The following CRTC2 variants were observed in gnomAD, a reference collection of about 807,000 sequenced individuals.
The protein encoded by CRTC2 is CREB-regulated transcription coactivator 2.
Under a neutral mutation model 70.9 loss-of-function variants are expected in CRTC2, and 25 were observed. That is an observed-to-expected ratio of 0.35 (90% CI 0.26 to 0.49). The LOEUF (loss-of-function observed/expected upper bound fraction) is 0.49. Among genes scored for constraint, CRTC2 ranks in the 20% least tolerant of loss-of-function variants. The probability of loss-of-function intolerance (pLI) is 0.98; values close to 1 mark genes in which losing one functional copy is unlikely to be tolerated. For missense variants in CRTC2, 737 were observed against 882.6 expected (o/e 0.83, Z 2.09); for synonymous variants, 330 against 364.1 (o/e 0.91, Z 1.07).
rs1057001842 is a variant in CRTC2 at position 153,953,298 on chromosome 1, G to A, written c.575C>T (p.Thr192Ile). The A allele has an allele frequency of 6.3e-6, 10 of 1,596,818 alleles. No individual in the cohort carries two copies. Among genetic ancestry groups the A allele is most frequent in the East Asian group, 2.3e-5 (1 of 43,604 alleles). ...TCGGCTGGGCAGGATGCTGGGAGGT[G>A]TGGGGCCTGGGTAGGTATCCTGGGG... ...PSPQDTYPGP[T>I]PPSILPSRRG... Residue 192 changes from threonine (T) to isoleucine (I), a missense_variant, in exon 6 of 14, where the codon ACA becomes ATA. Thr to Ile is a moderately conservative substitution (Grantham distance 89, BLOSUM62 -1). Coordinates refer to ENST00000368633, the MANE Select transcript of CRTC2 (RefSeq NM_181715.3).
Position 153,951,475 on chromosome 1 carries a change from G to A in CRTC2, c.1189C>T (p.Leu397Phe). The change falls in exon 11 of 14, where the codon CTC becomes TTC. Residue 397 changes from leucine (L) to phenylalanine (F), a missense_variant. Around this residue, in one of 3 missense-constraint regions of CRTC2, gnomAD observed 699 missense variants for 823.7 expected, o/e 0.85. Transcript: ENST00000368633. ...LGHPSLSAPA[L>F]SSSSSSSSTS... ...GAGGAGGAGGAAGAGGAGGAGGAGAGAGCCGGAGCACTGAGTGAGGGGTGG... is the reference window on the plus strand; with the variant it reads ...GAGGAGGAGGAAGAGGAGGAGGAGAAAGCCGGAGCACTGAGTGAGGGGTGG... The A allele has an allele frequency of 6.3e-7, 1 of 1,598,818 alleles. No individual in the cohort carries two copies. Among genetic ancestry groups the A allele is most frequent in the Non-Finnish European group, 8.5e-7 (1 of 1,172,266 alleles).
chr1:153,957,170 A>G (rs1390129784), intron 1 of CRTC2, among the ~76,000 whole-genome samples: 3 of 152,118 alleles, frequency 2.0e-5, no homozygotes, highest in Non-Finnish European at 2.9e-5. Flanking sequence ...GACTCCCACA[A>G]ACTAGGGCAC....
chr1:153,947,865 G>C lies in CRTC2; in HGVS notation c.*244C>G. 1 of 555,736 alleles carries C rather than the reference G, an allele frequency of 1.8e-6. No homozygotes were observed. Among genetic ancestry groups the C allele is most frequent in the Non-Finnish European group, 3.2e-6 (1 of 309,918 alleles). 34.4% of individuals were successfully genotyped at this position (555,736 alleles called of 1,614,324 possible). Reference sequence around the variant, plus strand: ...GCTTTCCAACAGGCTCTGACCTCCAGACAGACGGTTCAAAGTTACAAGTGC... The same window carrying C: ...GCTTTCCAACAGGCTCTGACCTCCACACAGACGGTTCAAAGTTACAAGTGC... On this transcript the variant is annotated 3_prime_UTR_variant, in exon 14 of 14. Transcript: ENST00000368633.
At chr1:153,950,702 C>T (rs1460359160) in intron 11 of CRTC2, among the ~76,000 whole-genome samples, 1 of 152,186 alleles carries the variant, frequency 6.6e-6, no homozygotes, top group East Asian at 1.9e-4. Context: ...CTAGGTCCCA[C>T]TTTCCTCATC....
At chr1:153,958,064 C>G (rs1680729574) in intron 1 of CRTC2, 3 of 1,338,820 alleles carry the variant, frequency 2.2e-6, no homozygotes, top group Non-Finnish European at 2.9e-6. Context: ...CACTCACCTC[C>G]TACCTCCGCC....
intron 10 of CRTC2, 78 bp from the exon 11 acceptor site, chr1:153,951,744 C>A: frequency 4.8e-6 from 7 of 1,460,250 alleles, no homozygotes; most frequent in African/African-American, 1.4e-5. Context: ...GAATGGGTGG[C>A]AGTGACCAGA....
intron 1 of CRTC2, among the ~76,000 whole-genome samples, chr1:153,956,075 A>C (rs936350020): frequency 6.6e-6 from 1 of 152,352 alleles, no homozygotes; most frequent in East Asian, 1.9e-4. Flanking sequence ...CACTCTGGAG[A>C]GCACAGGCTT....
chr1:153,948,529 G>A lies in CRTC2; in HGVS notation c.1790C>T (p.Pro597Leu), dbSNP rs1033775638. 1.2e-6 allele frequency: 2 copies of A among 1,612,744 alleles called. No homozygotes were observed. Among genetic ancestry groups the A allele is most frequent in the East Asian group, 2.2e-5 (1 of 44,860 alleles). The change falls in exon 13 of 14, where the codon CCC (proline) becomes CTC (leucine). Residue 597 changes from proline to leucine, a missense_variant. Pro to Leu is a moderately conservative substitution (Grantham distance 98, BLOSUM62 -3). Coordinates refer to ENST00000368633, the MANE Select transcript of CRTC2 (RefSeq NM_181715.3). Reference sequence around the variant, plus strand: ...CAAGTTCTGGTGGTTGAAGGTGTGGGGATCCTGGGGGCCACCCATTGGCCC... The same window carrying A: ...CAAGTTCTGGTGGTTGAAGGTGTGGAGATCCTGGGGGCCACCCATTGGCCC... The part of the protein sequence containing the change: ...GEGPMGGPQD[P>L]HTFNHQNLTH...
At chr1:153,950,084 G>A (rs982972249) in intron 11 of CRTC2, among the ~76,000 whole-genome samples, 3 of 152,088 alleles carry the variant, frequency 2.0e-5, no homozygotes, top group Non-Finnish European at 2.9e-5. Context: ...AAGCGTGCGC[G>A]ACTGCACCTG....
chr1:153,951,363 G>T lies in CRTC2; in HGVS notation c.1301C>A (p.Pro434His), dbSNP rs769773917. The change falls in exon 11 of 14, where the codon CCC (proline) becomes CAC (histidine). Residue 434 changes from proline to histidine, a missense_variant. Around this residue, in one of 3 missense-constraint regions of CRTC2, gnomAD observed 699 missense variants for 823.7 expected, o/e 0.85. Transcript: ENST00000368633. ...GGCTGGGCCCGCGAGCAAACTCAGG[G>T]GGCTGAGGGGCACACGGCGGTGGTG... The part of the protein sequence containing the change: ...SPHHRRVPLS[P>H]LSLLAGPADA... 1 of 1,613,108 alleles carries T rather than the reference G, an allele frequency of 6.2e-7. No individual in the cohort carries two copies. Among genetic ancestry groups the T allele is most frequent in the Non-Finnish European group, 8.5e-7 (1 of 1,179,538 alleles).
In CRTC2 at chr1:153,953,525, C is replaced by G; in HGVS notation, c.503+13G>C. On this transcript the variant is annotated intron_variant, in intron 5 of 13. Coordinates refer to ENST00000368633, the MANE Select transcript of CRTC2 (RefSeq NM_181715.3). ...GATAAGAGATCTGGCCTAAAGAAGG[C>G]AAAAGCCATCACCTGTTAAGTGCAG... 1 of 1,608,650 alleles carries G rather than the reference C, an allele frequency of 6.2e-7. No individual in the cohort carries two copies. The highest frequency in any genetic ancestry group is 8.5e-7 in the Non-Finnish European group (1 of 1,177,658).
rs762537967 is a variant in CRTC2, at chr1:153,952,616, G to C, written c.657C>G (p.Asn219Lys). The stretch of plus-strand genomic sequence containing the variant: ...TCAGCAAATGCTTGTCATCTAGCAA[G>C]TTCTCCTCAATAGCAGGTACTTGAA... ...MDPKVPAIEE[N>K]LLDDKHLLKP... The change falls in exon 8 of 14, where the codon AAC (asparagine) becomes AAG (lysine). Residue 219 changes from asparagine to lysine, a missense_variant. By Grantham distance (94) the Asn-to-Lys change is moderately conservative. Coordinates refer to ENST00000368633, the MANE Select transcript of CRTC2 (RefSeq NM_181715.3). 6 of 1,614,112 alleles carry C rather than the reference G, an allele frequency of 3.7e-6. No individual in the cohort carries two copies. In the East Asian group the frequency reaches 8.9e-5, roughly 24 times the overall value.
chr1:153,958,546 T>C lies in CRTC2; in HGVS notation c.-49A>G, dbSNP rs756132103. On this transcript the variant is annotated 5_prime_UTR_variant, in exon 1 of 14. Transcript: ENST00000368633. Reference sequence around the variant, plus strand: ...CACCCTCCCAGTACCAGCCGCGGCCTCCGCCGCGGCCTCGGCCCGGCTCCT... The same window carrying C: ...CACCCTCCCAGTACCAGCCGCGGCCCCCGCCGCGGCCTCGGCCCGGCTCCT... 2.4e-5 allele frequency: 36 copies of C among 1,502,476 alleles called. No homozygotes were observed. The African/African-American group carries it at 4.1e-4, about 17-fold the overall frequency. The allele number at this position is 1,502,476 out of a possible 1,614,324, so 93.1% of individuals were successfully genotyped here.
intron 12 of CRTC2, 80 bp downstream of exon 12, chr1:153,949,035 G>T: frequency 2.1e-6 from 3 of 1,451,576 alleles, no homozygotes; most frequent in Non-Finnish European, 1.9e-6. Flanking sequence ...CATTCACAGT[G>T]CACCAGCCAT....
rs758458474 is a variant in CRTC2, at chr1:153,958,529, C to A, written c.-32G>T. 3 of 1,571,486 alleles carry A rather than the reference C, an allele frequency of 1.9e-6. No homozygotes were observed. The highest frequency in any genetic ancestry group is 2.6e-6 in the Non-Finnish European group (3 of 1,157,356). On this transcript the variant is annotated 5_prime_UTR_variant, in exon 1 of 14. Coordinates refer to ENST00000368633, the MANE Select transcript of CRTC2 (RefSeq NM_181715.3). Reference sequence around the variant, plus strand: ...TCCCCGTCCCTCCCTGCCACCCTCCCAGTACCAGCCGCGGCCTCCGCCGCG... The same window carrying A: ...TCCCCGTCCCTCCCTGCCACCCTCCAAGTACCAGCCGCGGCCTCCGCCGCG...
At chr1:153,953,671 G>T in intron 4 of CRTC2, 65 bp from the exon 5 acceptor site, 1 of 1,159,064 alleles carries the variant, frequency 8.6e-7, no homozygotes, top group Non-Finnish European at 1.3e-6. Context: ...GGGCATAGGG[G>T]TTGGAAAATG....
At position 153,952,105 on chromosome 1, in the gene CRTC2, C is replaced by T. The variant is rs1368701346; in HGVS notation, c.910G>A (p.Gly304Ser). ...EETAYPSLSG[G>S]NSTSNLTHTM... ...TGGGTCAAATTGGAGGTACTGTTGCCCCCACTCAGGCTAGGGTAGGCTGTC... is the reference window on the plus strand; with the variant it reads ...TGGGTCAAATTGGAGGTACTGTTGCTCCCACTCAGGCTAGGGTAGGCTGTC... Residue 304 changes from glycine to serine, a missense_variant, in exon 10 of 14, where the codon GGC (glycine) becomes AGC (serine). Around this residue, in one of 3 missense-constraint regions of CRTC2, gnomAD observed 699 missense variants for 823.7 expected, o/e 0.85. Coordinates refer to ENST00000368633, the MANE Select transcript of CRTC2 (RefSeq NM_181715.3). 2.3e-5 allele frequency: 37 copies of T among 1,613,922 alleles called. No homozygotes were observed. The highest frequency in any genetic ancestry group is 2.9e-5 in the Non-Finnish European group (34 of 1,180,016).
At chr1:153,953,120 T>A (rs1680445041) in intron 6 of CRTC2, 146 bp downstream of exon 6, 1 of 603,586 alleles carries the variant, frequency 1.7e-6, no homozygotes, top group South Asian at 2.1e-5. Context: ...AGGGCGGAGG[T>A]TGCAGTGAGC....
intron 6 of CRTC2, 21 bp from the exon 7 acceptor site, chr1:153,952,855 T>C (rs1571077843): frequency 2.5e-6 from 4 of 1,614,168 alleles, no homozygotes; most frequent in Non-Finnish European, 3.4e-6. Flanking sequence ...TACAGTGGCA[T>C]TGGCTGCAGT....
Sources: allele counts gnomAD v4.1 joint callset (sites outside exome capture counted in the v4.1 genomes callset), GRCh38; gene constraint gnomAD v4.1.1; regional missense constraint gnomAD v4.1.1; transcripts MANE v1.5; gene names NCBI Gene and HGNC (gene_info 2026-07-23, HGNC 2026-07-21).